Variants in CYP3A5 observed in about 807,000 individuals in gnomAD.
CYP3A5 encodes cytochrome P450 family 3 subfamily A member 5, also known as cytochrome P450 3A5.
CYP3A5 carries 51 observed loss-of-function variants against 55.9 expected under a neutral mutation model. The ratio of observed to expected loss-of-function variants is 0.91; its 90% CI spans 0.73 to 1.15. The LOEUF (loss-of-function observed/expected upper bound fraction) is 1.15, where lower values mean the gene tolerates loss of function less well. Ranked by LOEUF, CYP3A5 falls within the 50% of genes most tolerant of loss-of-function variation. The probability of loss-of-function intolerance (pLI) is 0.00; values close to 1 mark genes in which losing one functional copy is unlikely to be tolerated. For synonymous variants in CYP3A5, 196 were observed against 213.9 expected, an observed-to-expected ratio of 0.92 and a Z score of 0.73; for missense variants, 533 against 596.6, an observed-to-expected ratio of 0.89 and a Z score of 1.11.
At chr7:99,657,456 T>C (rs1809879857) in intron 10 of CYP3A5, among the ~76,000 whole-genome samples, 3 of 152,250 alleles carry the variant, frequency 2.0e-5, no homozygotes. Context: ...GACAGTTTGT[T>C]ATAATGTCTG....
chr7:99,672,807 A>T, intron 3 of CYP3A5, 128 bp from the exon 4 acceptor site: 1 of 1,519,548 alleles, frequency 6.6e-7, no homozygotes, highest in Non-Finnish European at 8.8e-7. Flanking sequence ...ACACACAGCA[A>T]CCTTAGGTTC....
intron 12 of CYP3A5, 115 bp from the exon 13 acceptor site, chr7:99,648,515 CTT>C (rs977055009): frequency 1.3e-5 from 9 of 698,322 alleles, no homozygotes; most frequent in East Asian, 5.6e-5. Flanking sequence ...AAAAACGACT[CTT>C]AACACCATGT....
In CYP3A5 at chr7:99,666,631, G is replaced by A. The variant is rs1271319389; in HGVS notation, c.491C>T (p.Ala164Val). The A allele has an allele frequency of 2.5e-6, 4 of 1,613,822 alleles. No homozygotes were observed. In the Admixed American group the frequency reaches 6.7e-5, roughly 27 times the overall value. Residue 164 changes from alanine to valine, a missense_variant, in exon 6 of 13, where the codon GCA becomes GTA. Transcript: ENST00000222982. ...DVLVRNLRRE[A>V]EKGKPVTLKD... ...CAAGGTGACAGGCTTGCCTTTCTCT[G>A]CTTCCCGCCTCAAGTTTCTCACCAA...
intron 8 of CYP3A5, 163 bp from the exon 9 acceptor site, chr7:99,663,045 T>C (rs1810604270): frequency 7.3e-7 from 1 of 1,365,974 alleles, no homozygotes; most frequent in Admixed American, 3.0e-5. Flanking sequence ...AAAACATTCA[T>C]CTAAATCCTT....
chr7:99,668,485 A>AT (rs906207202), intron 4 of CYP3A5, among the ~76,000 whole-genome samples: 3 of 151,956 alleles, frequency 2.0e-5, no homozygotes, highest in African/African-American at 4.8e-5. Context: ...TTTTTTTGCA[A>AT]TTTTTTTTGT....
intron 2 of CYP3A5, among the ~76,000 whole-genome samples, chr7:99,675,000 C>G (rs756954571): frequency 6.6e-6 from 1 of 152,220 alleles, no homozygotes; most frequent in Non-Finnish European, 1.5e-5. Context: ...CCATCAGTAT[C>G]CTTTTCATTT....
intron 2 of CYP3A5, among the ~76,000 whole-genome samples, chr7:99,675,153 T>G (rs1474614379): frequency 1.3e-5 from 2 of 152,214 alleles, no homozygotes; most frequent in African/African-American, 4.8e-5. Context: ...GTAGACTTCC[T>G]TTCCAGTTTT....
chr7:99,676,371 C>A (rs879618929), intron 1 of CYP3A5, 163 bp from the exon 2 acceptor site: 1 of 1,528,234 alleles, frequency 6.5e-7, no homozygotes. Flanking sequence ...CTCATCAGGT[C>A]CTTTCCTGAC....
At chr7:99,677,131 C>G (rs1812368485) in intron 1 of CYP3A5, 1 of 973,722 alleles carries the variant, frequency 1.0e-6, no homozygotes, top group African/African-American at 1.8e-5. Context: ...TTCACTATGG[C>G]AGGCCTGCCT....
chr7:99,652,850 T>A, intron 10 of CYP3A5, 71 bp from the exon 11 acceptor site: 1 of 1,143,026 alleles, frequency 8.7e-7, no homozygotes, highest in Non-Finnish European at 1.3e-6. Flanking sequence ...CATGCAGTAC[T>A]ATTGAAGTAT....
intron 10 of CYP3A5, chr7:99,659,110 C>T (rs1810102783): frequency 6.6e-6 from 1 of 152,226 alleles, no homozygotes; most frequent in South Asian, 2.1e-4. Flanking sequence ...TCCAGCTTTC[C>T]GTTGCTGGTG....
At chr7:99,668,844 A>G (rs1811296826) in intron 4 of CYP3A5, among the ~76,000 whole-genome samples, 1 of 152,228 alleles carries the variant, frequency 6.6e-6, no homozygotes, top group Non-Finnish European at 1.5e-5. Flanking sequence ...TTATCTTCTA[A>G]TCACGGACAG....
chr7:99,671,637 T>C (rs1329381343), intron 4 of CYP3A5: 6 of 571,262 alleles, frequency 1.1e-5, no homozygotes, highest in African/African-American at 5.6e-5. Flanking sequence ...ACTATATAAC[T>C]CTTAGAAAAA....
At position 99,666,951 on chromosome 7, in the gene CYP3A5, C is replaced by T. The variant is rs759812876; in HGVS notation, c.432+1G>A. On this transcript the variant is annotated splice_donor_variant, in intron 5 of 12. Transcript: ENST00000222982. LOFTEE classifies it high-confidence loss of function. ...AATTAAGACTCATCTTATTTTCATA[C>T]CTCCTTGAGTTTTCCGCTGGTGAAG... 1 of 1,613,234 alleles carries T rather than the reference C, an allele frequency of 6.2e-7. No homozygotes were observed. Among genetic ancestry groups the T allele is most frequent in the East Asian group, 2.2e-5 (1 of 44,862 alleles).
In CYP3A5 at chr7:99,653,450, C is replaced by CAAAT. The variant is rs3063934; in HGVS notation, c.1027-675_1027-672dup. 0.66 allele frequency among the ~76,000 whole-genome samples: 96,328 copies of CAAAT among 145,276 alleles called. 34,188 individuals are homozygous for CAAAT. The highest frequency in any genetic ancestry group is 0.79 in the Non-Finnish European group (52,825 of 66,542). ...TGGGTCGTAGAGTCAGACCCTGTCT[C>CAAAT]AAATAAATAAATAAATAAATAAATA... On this transcript the variant is annotated intron_variant, in intron 10 of 12. Transcript: ENST00000222982. This position sits in a 1 kb window ranked among gnomAD's most constrained non-coding sequence, Gnocchi z 4.2.
chr7:99,672,189 C>A (rs1811724472), intron 4 of CYP3A5, among the ~76,000 whole-genome samples: 1 of 152,012 alleles, frequency 6.6e-6, no homozygotes, highest in Non-Finnish European at 1.5e-5. Flanking sequence ...GTAGCTGGGA[C>A]TACAGGCGCA....
chr7:99,665,109 A>G (rs1224276842), intron 7 of CYP3A5, 57 bp downstream of exon 7: 1 of 1,381,826 alleles, frequency 7.2e-7, no homozygotes, highest in Non-Finnish European at 1.0e-6. Context: ...TATGTGAATT[A>G]TATGTCAAGA....
Position 99,679,886 on chromosome 7 carries a change from A to G in CYP3A5, c.11T>C (p.Ile4Thr). The G allele has an allele frequency of 6.2e-7, 1 of 1,614,022 alleles. No homozygotes were observed. Among genetic ancestry groups the G allele is most frequent in the Non-Finnish European group, 8.5e-7 (1 of 1,179,922 alleles). MDL[I>T]PNLAVETWLL... ...CCAGGTTTCCACCGCCAAATTTGGGATGAGGTCCATCGCCACTTTCCTTCT... is the reference window on the plus strand; with the variant it reads ...CCAGGTTTCCACCGCCAAATTTGGGGTGAGGTCCATCGCCACTTTCCTTCT... Residue 4 changes from isoleucine to threonine, a missense_variant, in exon 1 of 13, where the codon ATC (isoleucine) becomes ACC (threonine). Ile to Thr is a moderately conservative substitution (Grantham distance 89). Transcript: ENST00000222982.
intron 1 of CYP3A5, among the ~76,000 whole-genome samples, chr7:99,677,964 A>G (rs1409495866): frequency 6.6e-6 from 1 of 152,054 alleles, no homozygotes; most frequent in Non-Finnish European, 1.5e-5. Context: ...TGCTGGGCGA[A>G]CTCTTTAGTT....
Sources: allele counts gnomAD v4.1 joint callset (sites outside exome capture counted in the v4.1 genomes callset), GRCh38; gene constraint gnomAD v4.1.1; non-coding constraint Gnocchi (gnomAD v3.1); transcripts MANE v1.5; gene names NCBI Gene and HGNC (gene_info 2026-07-23, HGNC 2026-07-21).